LTBP1: variants seen among roughly 807,000 people sequenced by gnomAD.
The protein encoded by LTBP1 is latent transforming growth factor beta binding protein 1.
A neutral mutation model predicts 207.6 loss-of-function variants in LTBP1; 129 were observed. The ratio of observed to expected loss-of-function variants is 0.62; its 90% confidence interval spans 0.54 to 0.72. The LOEUF is 0.72. Among genes scored for constraint, LTBP1 ranks in the 30% least tolerant of loss-of-function variants. The probability of loss-of-function intolerance (pLI) is 0.00; values close to 1 mark genes in which losing one functional copy is unlikely to be tolerated. For missense variants in LTBP1, 2,281 were observed against 2,217.2 expected, an observed-to-expected ratio of 1.03 and a Z score of -0.58; for synonymous variants, 963 against 833.7, an observed-to-expected ratio of 1.16 and a Z score of -2.67.
chr2:33,390,640 A>G (rs530197853), intron 32 of LTBP1, among the ~76,000 whole-genome samples: 1 of 151,960 alleles, frequency 6.6e-6, no homozygotes, highest in East Asian at 1.9e-4. Flanking sequence ...GGCACGTGCC[A>G]CTATGTGCAG....
chr2:33,016,321 G>A (rs966865950), intron 2 of LTBP1, among the ~76,000 whole-genome samples: 11 of 152,154 alleles, frequency 7.2e-5, no homozygotes, highest in Non-Finnish European at 1.3e-4. Flanking sequence ...GCTAAAATGT[G>A]TGGAAAGTTT....
At chr2:33,388,901 G>A (rs1295319363) in intron 31 of LTBP1, among the ~76,000 whole-genome samples, 5 of 152,172 alleles carry the variant, frequency 3.3e-5, no homozygotes, top group African/African-American at 2.4e-5. Context: ...GCTCCGTTTT[G>A]TCAGCCCTTT....
chr2:33,361,397 CTTTT>C, intron 27 of LTBP1, 28 bp from the exon 28 acceptor site: 27 of 1,024,446 alleles, frequency 2.6e-5, no homozygotes, highest in South Asian at 1.0e-4. Flanking sequence ...GATGTTGAAT[CTTTT>C]TTTTTTTTTT....
intron 2 of LTBP1, among the ~76,000 whole-genome samples, 199 bp from the exon 3 acceptor site, chr2:33,020,710 G>A (rs944302650): frequency 6.6e-6 from 1 of 152,152 alleles, no homozygotes; most frequent in African/African-American, 2.4e-5. Context: ...TTTTAGAACA[G>A]TGCCTGTCAC....
rs189457561 is a variant in LTBP1, at chr2:33,152,109, A to G, written c.1201+17149A>G. Reference sequence around the variant, plus strand: ...AAAGAACTTTTGCATGGCAAAAGGAACAGTCAGCAGAGTAAATAGACAACT... The same window carrying G: ...AAAGAACTTTTGCATGGCAAAAGGAGCAGTCAGCAGAGTAAATAGACAACT... On this transcript the variant is annotated intron_variant, in intron 5 of 33. Coordinates refer to ENST00000404816, the MANE Select transcript of LTBP1 (RefSeq NM_206943.4). Among the ~76,000 whole-genome samples, 21 of 152,350 alleles carry G rather than the reference A, an allele frequency of 1.4e-4. No homozygotes were observed. The East Asian group carries it at 3.7e-3, about 27-fold the overall frequency.
intron 2 of LTBP1, among the ~76,000 whole-genome samples, chr2:32,980,410 A>C (rs1424234743): frequency 6.6e-6 from 1 of 152,164 alleles, no homozygotes; most frequent in African/African-American, 2.4e-5. Context: ...CACTGATTGC[A>C]TAAAGAAACT....
At chr2:33,353,329 T>C (rs2094808403) in intron 26 of LTBP1, among the ~76,000 whole-genome samples, 1 of 152,140 alleles carries the variant, frequency 6.6e-6, no homozygotes, top group Non-Finnish European at 1.5e-5. Context: ...AAAGTCTGCT[T>C]GACTGTCACC....
At chr2:33,083,917 A>C (rs986114031) in intron 3 of LTBP1, among the ~76,000 whole-genome samples, 2 of 152,102 alleles carry the variant, frequency 1.3e-5, no homozygotes, top group African/African-American at 4.8e-5. Flanking sequence ...GGGTTTTTTG[A>C]CCTGGAAGGA....
At chr2:33,034,108 T>C (rs2075810715) in intron 3 of LTBP1, among the ~76,000 whole-genome samples, 1 of 152,156 alleles carries the variant, frequency 6.6e-6, no homozygotes, top group East Asian at 1.9e-4. Context: ...TTTTCTTCTT[T>C]AATTCAAAGT....
intron 4 of LTBP1, among the ~76,000 whole-genome samples, chr2:33,130,818 G>A (rs1035010973): frequency 1.3e-5 from 2 of 152,140 alleles, no homozygotes; most frequent in African/African-American, 4.8e-5. Flanking sequence ...TCTAGCCAAG[G>A]CCTCCAAAAC....
intron 10 of LTBP1, among the ~76,000 whole-genome samples, chr2:33,245,676 T>C (rs972981528): frequency 6.6e-6 from 1 of 152,248 alleles, no homozygotes; most frequent in Non-Finnish European, 1.5e-5. Flanking sequence ...ACATTGTTGA[T>C]GACATCCAGA....
rs41291169 is a variant in LTBP1 at position 33,398,606 on chromosome 2, T to C, written c.*61T>C. The C allele has an allele frequency of 5.2e-3, 7,691 of 1,469,584 alleles. 32 individuals are homozygous for C. Among genetic ancestry groups the C allele is most frequent in the Middle Eastern group, 0.023 (124 of 5,400 alleles). 91.0% of individuals were successfully genotyped at this position (1,469,584 alleles called of 1,614,324 possible). On this transcript the variant is annotated 3_prime_UTR_variant, in exon 34 of 34. Transcript: ENST00000404816. ...CACTGTGTAAAGGAAAAGGGAGAAA[T>C]GTATTATACTTGAGACATTGCACCT...
chr2:33,215,711 C>CTTTTTTTTTT (rs201936680), intron 7 of LTBP1, among the ~76,000 whole-genome samples: 4 of 125,998 alleles, frequency 3.2e-5, no homozygotes, highest in Non-Finnish European at 3.4e-5. Context: ...CATTGGTTTT[C>CTTTTTTTTTT]TTTTGTTTTT....
Position 33,341,729 on chromosome 2 carries a change from A to AAAAATAT in LTBP1, c.3731-1108_3731-1107insAAATATA, listed in dbSNP as rs745445793. Among the ~76,000 whole-genome samples, 360 of 93,598 alleles carry AAAAATAT rather than the reference A, an allele frequency of 3.8e-3. 8 individuals carry two copies. Among genetic ancestry groups the AAAAATAT allele is most frequent in the African/African-American group, 0.016 (323 of 19,612 alleles). The allele number at this position is 93,598 out of a possible 152,430, so 61.4% of individuals were successfully genotyped here. On this transcript the variant is annotated intron_variant, in intron 24 of 33. Transcript: ENST00000404816. ...CCGTCTCACTCAAAAAAAAAAAAAA[A>AAAAATAT]ATATATATATATATATGTATATTTA...
intron 4 of LTBP1, among the ~76,000 whole-genome samples, chr2:33,129,317 C>T (rs944063228): frequency 2.6e-5 from 4 of 152,190 alleles, no homozygotes; most frequent in African/African-American, 4.8e-5. Flanking sequence ...GGACAGGCTC[C>T]GGACTGCAGT....
intron 24 of LTBP1, among the ~76,000 whole-genome samples, chr2:33,329,393 T>TCACTTCAG (rs1226314207): frequency 1.3e-5 from 2 of 152,168 alleles, no homozygotes; most frequent in Non-Finnish European, 2.9e-5. Flanking sequence ...GAACTCAAGT[T>TCACTTCAG]GTTAATTTTA....
At chr2:33,305,788 A>G (rs1431886263) in intron 22 of LTBP1, among the ~76,000 whole-genome samples, 3 of 152,208 alleles carry the variant, frequency 2.0e-5, no homozygotes, top group African/African-American at 7.2e-5. Context: ...AAAAGTGGCA[A>G]GTGAAGAAGG....
chr2:33,018,633 C>G (rs1250343784), intron 2 of LTBP1, among the ~76,000 whole-genome samples: 2 of 152,110 alleles, frequency 1.3e-5, no homozygotes, highest in Non-Finnish European at 2.9e-5. Context: ...GATATAGCAA[C>G]AAAGTTTGCT....
At chr2:33,314,175 T>G (rs115785257) in intron 23 of LTBP1, among the ~76,000 whole-genome samples, 4,548 of 152,246 alleles carry the variant, frequency 0.03, 108 homozygotes, top group Non-Finnish European at 0.049. Context: ...TGACGCTTCA[T>G]TGTGTGGTAG....
Sources: gnomAD v4.1 joint callset for allele counts (sites outside exome capture counted in the v4.1 genomes callset) on GRCh38, gnomAD v4.1.1 for gene constraint, MANE v1.5 for transcripts, NCBI Gene and HGNC (gene_info 2026-07-23, HGNC 2026-07-21) for gene names.